Variants in TTLL7 observed in about 807,000 individuals in gnomAD.
The protein encoded by TTLL7 is tubulin polyglutamylase TTLL7.
In TTLL7, 53 loss-of-function variants were observed where a neutral mutation model predicts 120.2. That is an observed-to-expected ratio of 0.44 (90% CI 0.35 to 0.55). TTLL7 has a LOEUF of 0.55. Among genes scored for constraint, TTLL7 ranks in the 20% least tolerant of loss-of-function variants. The probability of loss-of-function intolerance (pLI) is 0.00; values close to 1 mark genes in which losing one functional copy is unlikely to be tolerated. For synonymous variants in TTLL7, 353 were observed against 351.7 expected (o/e 1.00, Z -0.04); for missense variants, 803 against 1,054.7 (o/e 0.76, Z 3.31).
chr1:83,895,070 C>A (rs2100740627), intron 18 of TTLL7, among the ~76,000 whole-genome samples: 1 of 152,198 alleles, frequency 6.6e-6, no homozygotes, highest in East Asian at 1.9e-4. Flanking sequence ...TCAAATGCCA[C>A]TTCTAAGGAA....
chr1:83,894,923 G>A (rs2100740307), intron 18 of TTLL7, among the ~76,000 whole-genome samples: 1 of 152,122 alleles, frequency 6.6e-6, no homozygotes, highest in African/African-American at 2.4e-5. Context: ...CCTATAATTT[G>A]GAGGGCATGG....
intron 8 of TTLL7, among the ~76,000 whole-genome samples, chr1:83,937,205 A>ATT (rs71695804): frequency 2.8e-5 from 4 of 144,430 alleles, no homozygotes; most frequent in Non-Finnish European, 4.6e-5. Context: ...CAGTACGGTA[A>ATT]TTTTTTTTTT....
chr1:83,938,198 G>A (rs1274415002), intron 7 of TTLL7, among the ~76,000 whole-genome samples, 182 bp from the exon 8 acceptor site: 3 of 152,100 alleles, frequency 2.0e-5, no homozygotes, highest in African/African-American at 7.2e-5. Flanking sequence ...TCCCTTAAAA[G>A]GGTTGAGAAT....
At chr1:83,982,801 A>G (rs1027872123) in intron 1 of TTLL7, among the ~76,000 whole-genome samples, 1 of 152,196 alleles carries the variant, frequency 6.6e-6, no homozygotes, top group Non-Finnish European at 1.5e-5. Context: ...GAAAAAAACT[A>G]TTTGAAAATT....
chr1:83,893,387 G>GA (rs941637216), intron 18 of TTLL7, among the ~76,000 whole-genome samples: 7 of 149,968 alleles, frequency 4.7e-5, no homozygotes, highest in African/African-American at 1.5e-4. Flanking sequence ...AAAACAAAAA[G>GA]AAAAAAAAAT....
chr1:83,952,895 C>T (rs1649187650), intron 1 of TTLL7, among the ~76,000 whole-genome samples: 1 of 152,176 alleles, frequency 6.6e-6, no homozygotes, highest in Non-Finnish European at 1.5e-5. Flanking sequence ...ACCCACACAA[C>T]CTTCAACCCA....
chr1:83,974,828 T>C (rs1651315042), intron 1 of TTLL7, among the ~76,000 whole-genome samples: 1 of 152,106 alleles, frequency 6.6e-6, no homozygotes. Flanking sequence ...TAAGTCATTA[T>C]CTAAGGTTTA....
chr1:83,890,259 T>G, intron 19 of TTLL7, 62 bp downstream of exon 19: 1 of 1,465,866 alleles, frequency 6.8e-7, no homozygotes, highest in Non-Finnish European at 9.2e-7. Context: ...TATTAGGATA[T>G]CTCTATAACT....
At chr1:83,924,866 T>G (rs1398686955) in intron 10 of TTLL7, among the ~76,000 whole-genome samples, 2 of 152,118 alleles carry the variant, frequency 1.3e-5, no homozygotes. Flanking sequence ...GAAAAGTCAT[T>G]TCCAAGGCAA....
intron 1 of TTLL7, among the ~76,000 whole-genome samples, chr1:83,967,761 C>A (rs2100559229): frequency 6.6e-6 from 1 of 151,972 alleles, no homozygotes; most frequent in Non-Finnish European, 1.5e-5. Context: ...AGCCCTCACT[C>A]AAAATATAAC....
chr1:83,967,591 C>T (rs1421664070), intron 1 of TTLL7, among the ~76,000 whole-genome samples: 1 of 152,110 alleles, frequency 6.6e-6, no homozygotes, highest in Non-Finnish European at 1.5e-5. Context: ...TATCAACAAT[C>T]TGCATGGTAA....
intron 1 of TTLL7, among the ~76,000 whole-genome samples, chr1:83,993,268 T>C (rs965033404): frequency 2.6e-5 from 4 of 152,186 alleles, no homozygotes; most frequent in Admixed American, 1.3e-4. Flanking sequence ...GAAATGATCT[T>C]GAAGCTGCTG....
intron 1 of TTLL7, among the ~76,000 whole-genome samples, chr1:83,958,607 C>T (rs1462376637): frequency 6.6e-6 from 1 of 152,104 alleles, no homozygotes; most frequent in African/African-American, 2.4e-5. Context: ...TTATTAATTT[C>T]ATTAAATTTC....
At chr1:83,924,425 G>A (rs973265441) in intron 10 of TTLL7, among the ~76,000 whole-genome samples, 3 of 152,114 alleles carry the variant, frequency 2.0e-5, no homozygotes, top group African/African-American at 7.2e-5. Flanking sequence ...CAACATTGAA[G>A]AACTTGAAAA....
At chr1:83,873,533 C>T (rs993216410) in intron 20 of TTLL7, among the ~76,000 whole-genome samples, 4 of 152,042 alleles carry the variant, frequency 2.6e-5, no homozygotes, top group Non-Finnish European at 2.9e-5. Flanking sequence ...TTATTCTTTA[C>T]ATATGAAAAT....
chr1:83,948,838 C>A, intron 4 of TTLL7, 143 bp from the exon 5 acceptor site: 3 of 552,334 alleles, frequency 5.4e-6, no homozygotes, highest in Admixed American at 3.4e-5. Context: ...TGTTAAATGA[C>A]CTACAGTGAA....
rs540041063 is a variant in TTLL7, at chr1:83,995,492, G to A, written c.-177+3439C>T. ...TTGCTCCTGCTTTCTGCTATGTGAC[G>A]TGCCTGCTCCCCCTTCCCCTTCAAC... is the stretch of plus-strand genomic sequence containing the variant. On this transcript the variant is annotated intron_variant, in intron 1 of 20. Transcript: ENST00000260505. Among the ~76,000 whole-genome samples, 10 of 151,774 alleles carry A rather than the reference G, an allele frequency of 6.6e-5. No individual in the cohort carries two copies. In the South Asian group the frequency reaches 1.7e-3, roughly 25 times the overall value.
chr1:83,891,501 T>C (rs1655462138), intron 18 of TTLL7, among the ~76,000 whole-genome samples: 1 of 152,054 alleles, frequency 6.6e-6, no homozygotes, highest in Admixed American at 6.6e-5. Flanking sequence ...GGAAAACAGT[T>C]TGGAGTTTGG....
chr1:83,929,188 A>G lies in TTLL7; in HGVS notation c.1090T>C (p.Tyr364His). ...AGCAGCACTCCCCTTTTTACATCAT[A>G]GTCTATTTTCTGATCAGTTCCAAAG... ...PSFGTDQKID[Y>H]DVKRGVLLNA... is the part of the protein sequence containing the mutation. The change falls in exon 10 of 21, where the codon TAT becomes CAT. Residue 364 changes from tyrosine (Y) to histidine (H), a missense_variant. Transcript: ENST00000260505. 1 of 1,612,786 alleles carries G rather than the reference A, an allele frequency of 6.2e-7. No individual in the cohort carries two copies. Among genetic ancestry groups the G allele is most frequent in the Non-Finnish European group, 8.5e-7 (1 of 1,179,132 alleles).
Sources: gnomAD v4.1 joint callset for allele counts (sites outside exome capture counted in the v4.1 genomes callset) on GRCh38, gnomAD v4.1.1 for gene constraint, MANE v1.5 for transcripts, NCBI Gene and HGNC (gene_info 2026-07-23, HGNC 2026-07-21) for gene names.